The following PHC2 variants were observed in gnomAD, a reference collection of about 807,000 sequenced individuals.
The protein encoded by PHC2 is polyhomeotic homolog 2.
Under a neutral mutation model 87.4 loss-of-function variants are expected in PHC2, and 29 were observed. The ratio of observed to expected loss-of-function variants is 0.33; its 90% CI spans 0.25 to 0.45. The LOEUF (loss-of-function observed/expected upper bound fraction) is 0.45. Ranked by LOEUF, PHC2 falls within the 20% of genes least tolerant of loss-of-function variation. The pLI, the probability that PHC2 is intolerant of heterozygous loss-of-function variation, is 1.00. For missense variants in PHC2, 857 were observed against 1,136.7 expected (o/e 0.75, Z 3.54); for synonymous variants, 438 against 461.7 (o/e 0.95, Z 0.66).
At chr1:33,378,236 G>A (rs1185352515) in intron 1 of PHC2, among the ~76,000 whole-genome samples, 1 of 152,146 alleles carries the variant, frequency 6.6e-6, no homozygotes, top group Admixed American at 6.5e-5. Context: ...TTATGTTCTA[G>A]GGAGGGAAAA....
chr1:33,420,874 G>A lies in PHC2; in HGVS notation c.-55+10102C>T, dbSNP rs150796014. Among the ~76,000 whole-genome samples, 116 of 152,182 alleles carry A rather than the reference G, an allele frequency of 7.6e-4. 2 individuals carry two copies. Among genetic ancestry groups the A allele is most frequent in the African/African-American group, 2.6e-3 (107 of 41,514 alleles). On this transcript the variant is annotated intron_variant, in intron 1 of 14. Transcript: ENST00000683057. ...GATCCTCCTGCCTCAGCCTCCCAAC[G>A]TGCTGTGTTTACAGGTGTAAGCCAC...
At chr1:33,371,141 G>T in intron 3 of PHC2, 47 bp from the exon 4 acceptor site, 1 of 1,472,776 alleles carries the variant, frequency 6.8e-7, no homozygotes, top group Non-Finnish European at 9.5e-7. Flanking sequence ...ACCTCCCCCA[G>T]TCACTCCTGG....
chr1:33,347,168 C>T (rs1646860020), intron 9 of PHC2: 1 of 985,288 alleles, frequency 1.0e-6, no homozygotes. Flanking sequence ...AGGGTCATAG[C>T]TGAGGGAAGG....
chr1:33,396,346 G>T (rs1448920050), intron 1 of PHC2, among the ~76,000 whole-genome samples: 2 of 152,172 alleles, frequency 1.3e-5, no homozygotes, highest in African/African-American at 4.8e-5. Flanking sequence ...ATTTTAACGG[G>T]GTGGGGAAGG....
chr1:33,355,823 C>T (rs1218963621), intron 7 of PHC2, among the ~76,000 whole-genome samples: 1 of 152,182 alleles, frequency 6.6e-6, no homozygotes, highest in East Asian at 1.9e-4. Flanking sequence ...ACCAAGGGAC[C>T]TGGAAATAAC....
At chr1:33,384,844 G>A (rs1017324082) in intron 1 of PHC2, among the ~76,000 whole-genome samples, 1 of 152,160 alleles carries the variant, frequency 6.6e-6, no homozygotes, top group Non-Finnish European at 1.5e-5. Context: ...TGCCTAACAT[G>A]GTGCCGAGCC....
Position 33,370,561 on chromosome 1 carries a change from C to T in PHC2, c.436G>A (p.Ala146Thr). The change falls in exon 5 of 15, where the codon GCA becomes ACA. Residue 146 changes from alanine to threonine, a missense_variant. By Grantham distance (58) the Ala-to-Thr change is moderately conservative. Around this residue, in one of 3 missense-constraint regions of PHC2, gnomAD observed 832 missense variants for 1,081.8 expected, o/e 0.77. Coordinates refer to ENST00000683057, the MANE Select transcript of PHC2 (RefSeq NM_001385109.1). ...TGGGCCCGGTTGAGGAGCTGGGCTGCTGCTGGGGAGGCTGCCAGGTTGATC... is the reference window on the plus strand; with the variant it reads ...TGGGCCCGGTTGAGGAGCTGGGCTGTTGCTGGGGAGGCTGCCAGGTTGATC... ...SSINLAASPA[A>T]AQLLNRAQSV... 1 of 1,613,384 alleles carries T rather than the reference C, an allele frequency of 6.2e-7. No homozygotes were observed.
At chr1:33,400,019 C>A (rs1227812631) in intron 1 of PHC2, among the ~76,000 whole-genome samples, 10 of 150,850 alleles carry the variant, frequency 6.6e-5, no homozygotes, top group African/African-American at 2.4e-4. Context: ...GCAAGTAGTT[C>A]ATTATTATTT....
intron 1 of PHC2, among the ~76,000 whole-genome samples, chr1:33,383,379 G>A (rs1648583735): frequency 6.6e-6 from 1 of 152,082 alleles, no homozygotes; most frequent in Admixed American, 6.5e-5. Context: ...TAGAAGTGAA[G>A]GATGAGGAAT....
At chr1:33,329,713 C>G (rs1646447472) in intron 13 of PHC2, among the ~76,000 whole-genome samples, 1 of 152,122 alleles carries the variant, frequency 6.6e-6, no homozygotes, top group Non-Finnish European at 1.5e-5. Context: ...GGTGGCAAAA[C>G]AAAGGGTGGA....
intron 9 of PHC2, among the ~76,000 whole-genome samples, chr1:33,337,927 A>G (rs1052437959): frequency 6.6e-6 from 1 of 152,246 alleles, no homozygotes; most frequent in Non-Finnish European, 1.5e-5. Flanking sequence ...GCATAGGTAG[A>G]AAGTATTAAT....
At chr1:33,372,885 G>A (rs545233303) in intron 2 of PHC2, among the ~76,000 whole-genome samples, 41 of 152,336 alleles carry the variant, frequency 2.7e-4, no homozygotes, top group African/African-American at 9.9e-4. Context: ...GAATGGGGGT[G>A]GAGGGAAGAG....
intron 7 of PHC2, among the ~76,000 whole-genome samples, chr1:33,365,484 A>T (rs534584580): frequency 6.6e-6 from 1 of 152,324 alleles, no homozygotes; most frequent in South Asian, 2.1e-4. Context: ...ATGGTCCGCC[A>T]GGGCATGCGG....
At position 33,324,916 on chromosome 1, in the gene PHC2, C is replaced by T; in HGVS notation, c.2529G>A (p.Leu843=). 1 of 1,613,880 alleles carries T rather than the reference C, an allele frequency of 6.2e-7. No homozygotes were observed. The highest frequency in any genetic ancestry group is 8.5e-7 in the Non-Finnish European group (1 of 1,179,824). ...GGGCGTAGATCTTCAGGGCGGGCCC[C>T]AGCTTGATGTTCATGGCGCTCATCA... ...DHLMSAMNIK[L]GPALKIYARI... Residue 843 remains leucine, a synonymous_variant, in exon 15 of 15, where the codon CTG becomes CTA. Coordinates refer to ENST00000683057, the MANE Select transcript of PHC2 (RefSeq NM_001385109.1).
intron 1 of PHC2, among the ~76,000 whole-genome samples, chr1:33,418,913 T>G (rs1650315602): frequency 6.6e-6 from 1 of 152,222 alleles, no homozygotes; most frequent in African/African-American, 2.4e-5. Flanking sequence ...TTGTCCTTTG[T>G]GGAATGCTTG....
chr1:33,420,330 G>T (rs189695147), intron 1 of PHC2, among the ~76,000 whole-genome samples: 1 of 152,128 alleles, frequency 6.6e-6, no homozygotes, highest in African/African-American at 2.4e-5. Context: ...ACAAACTTTG[G>T]GGGAGGGAAA....
chr1:33,363,960 C>T (rs1435532255), intron 7 of PHC2: 1 of 951,574 alleles, frequency 1.1e-6, no homozygotes, highest in Non-Finnish European at 1.3e-6. Context: ...CCTCCAAAGC[C>T]CAACCTCTTA....
chr1:33,428,945 T>A (rs1184030730), intron 1 of PHC2, among the ~76,000 whole-genome samples: 3 of 152,230 alleles, frequency 2.0e-5, no homozygotes, highest in Admixed American at 6.5e-5. Context: ...CTACTTGCCC[T>A]GACCCATCTC....
At chr1:33,373,997 A>C (rs1227331182) in intron 2 of PHC2, among the ~76,000 whole-genome samples, 1 of 152,056 alleles carries the variant, frequency 6.6e-6, no homozygotes, top group Non-Finnish European at 1.5e-5. Flanking sequence ...CAACTCTTCC[A>C]CATGTTGCCC....
Sources: allele counts gnomAD v4.1 joint callset (sites outside exome capture counted in the v4.1 genomes callset), GRCh38; gene constraint gnomAD v4.1.1; regional missense constraint gnomAD v4.1.1; transcripts MANE v1.5; gene names NCBI Gene and HGNC (gene_info 2026-07-23, HGNC 2026-07-21).